JAML: variants seen among roughly 807,000 people sequenced by gnomAD.
JAML encodes junction adhesion molecule like, also known as junctional adhesion molecule-like.
JAML carries 25 observed loss-of-function variants against 39.3 expected under a neutral mutation model. The ratio of observed to expected loss-of-function variants is 0.64; its 90% CI spans 0.46 to 0.89. The LOEUF (loss-of-function observed/expected upper bound fraction) is 0.89, where lower values mean the gene tolerates loss of function less well. Ranked by LOEUF, JAML falls within the 40% of genes least tolerant of loss-of-function variation. The pLI is 0.00. For synonymous variants in JAML, 162 were observed against 179.2 expected (o/e 0.90, Z 0.77); for missense variants, 440 against 486.9 (o/e 0.90, Z 0.91).
chr11:118,224,918 A>G (rs769822311), intron 1 of JAML, 23 bp downstream of exon 1: 11 of 152,234 alleles, frequency 7.2e-5, no homozygotes, highest in Non-Finnish European at 1.3e-4. Context: ...AAATGGCTTA[A>G]GAAATTCAAA....
At chr11:118,208,350 A>G (rs1948966793) in intron 4 of JAML, among the ~76,000 whole-genome samples, 1 of 152,246 alleles carries the variant, frequency 6.6e-6, no homozygotes, top group Non-Finnish European at 1.5e-5. Flanking sequence ...AAAAAGTAGG[A>G]TAATTAGGAG....
chr11:118,212,808 C>A, intron 2 of JAML: 1 of 1,612,712 alleles, frequency 6.2e-7, no homozygotes, highest in Non-Finnish European at 8.5e-7. Flanking sequence ...CTATCCAGCC[C>A]CTTACACTTT....
chr11:118,195,483 A>G (rs1354478473), intron 9 of JAML, among the ~76,000 whole-genome samples: 1 of 152,046 alleles, frequency 6.6e-6, no homozygotes, highest in African/African-American at 2.4e-5. Context: ...CTGGGTGCCT[A>G]TAATTAGTCT....
intron 1 of JAML, among the ~76,000 whole-genome samples, chr11:118,223,060 A>G (rs138320310): frequency 2.1e-5 from 3 of 143,334 alleles, no homozygotes; most frequent in East Asian, 4.3e-4. Flanking sequence ...GTGCCACTGC[A>G]TGCCAGCCTA....
chr11:118,198,674 T>TAAAAAAAA (rs61119825), intron 7 of JAML, among the ~76,000 whole-genome samples: 3 of 127,592 alleles, frequency 2.4e-5, no homozygotes, highest in Non-Finnish European at 5.1e-5. Flanking sequence ...AAGTCAGAAC[T>TAAAAAAAA]AAAAAAAAAA....
chr11:118,203,005 T>C (rs990601075), intron 6 of JAML: 19 of 458,802 alleles, frequency 4.1e-5, no homozygotes, highest in Middle Eastern at 3.2e-4. Context: ...TCTCTGTTCC[T>C]GGCTGTCTCT....
intron 8 of JAML, chr11:118,197,324 T>C (rs768684680): frequency 1.3e-4 from 20 of 152,358 alleles, no homozygotes; most frequent in Non-Finnish European, 2.5e-4. Context: ...TGGGAAAAAA[T>C]CCTACTCTTG....
chr11:118,213,444 C>A, intron 2 of JAML: 3 of 477,508 alleles, frequency 6.3e-6, no homozygotes, highest in Non-Finnish European at 8.2e-6. Context: ...CAACAGTAGG[C>A]TCACACAGCA....
intron 4 of JAML, 123 bp downstream of exon 4, chr11:118,210,364 G>T: frequency 2.9e-6 from 2 of 698,182 alleles, no homozygotes; most frequent in Non-Finnish European, 4.7e-6. Context: ...ATTTTTTGAA[G>T]ATTCACTCTG....
rs201464089 is a variant in JAML, at chr11:118,212,499, C to A, written c.106G>T (p.Asp36Tyr). ...SPPELTVHVG[D>Y]SALMGCVFQS... is the part of the protein sequence containing the mutation. ...AAAACACATCCCATCAGAGCTGAAT[C>A]ACCCACATGGACTGTTAGCTCAGGC... Residue 36 changes from aspartate (D) to tyrosine (Y), a missense_variant, in exon 3 of 10, where the codon GAT (aspartate) becomes TAT (tyrosine). Coordinates refer to ENST00000356289, the MANE Select transcript of JAML (RefSeq NM_001098526.2). 1.6e-4 allele frequency: 257 copies of A among 1,614,194 alleles called. 1 individual carries two copies. The highest frequency in any genetic ancestry group is 1.6e-4 in the Non-Finnish European group (186 of 1,180,018).
At chr11:118,214,759 T>A in intron 2 of JAML, 65 bp downstream of exon 2, 1 of 1,526,492 alleles carries the variant, frequency 6.6e-7, no homozygotes, top group Non-Finnish European at 9.0e-7. Flanking sequence ...TAAAATTGGC[T>A]TTTAATAATG....
rs573033693 is a variant in JAML at position 118,215,201 on chromosome 11, T to A, written c.-20-315A>T. Reference sequence around the variant, plus strand: ...AGATTGGCCATAAGGGAAGATTAGATGAAAGTTGCTTTTCAAGAGAAAAAA... The same window carrying A: ...AGATTGGCCATAAGGGAAGATTAGAAGAAAGTTGCTTTTCAAGAGAAAAAA... On this transcript the variant is annotated intron_variant, in intron 1 of 9. Coordinates refer to ENST00000356289, the MANE Select transcript of JAML (RefSeq NM_001098526.2). Among the ~76,000 whole-genome samples the A allele has an allele frequency of 3.3e-5, 5 of 152,308 alleles. No individual in the cohort carries two copies. In the South Asian group the frequency reaches 1.0e-3, roughly 32 times the overall value.
At chr11:118,214,744 A>G in intron 2 of JAML, 80 bp downstream of exon 2, 1 of 1,433,374 alleles carries the variant, frequency 7.0e-7, no homozygotes, top group Non-Finnish European at 9.7e-7. Flanking sequence ...GGAATCGAAA[A>G]TATGTAAAAT....
At position 118,212,501 on chromosome 11, in the gene JAML, C is replaced by A. The variant is rs755024063; in HGVS notation, c.104G>T (p.Gly35Val). Residue 35 changes from glycine (G) to valine (V), a missense_variant, in exon 3 of 10, where the codon GGT becomes GTT. Gly to Val is a moderately radical substitution (Grantham distance 109). Coordinates refer to ENST00000356289, the MANE Select transcript of JAML (RefSeq NM_001098526.2). ...AACACATCCCATCAGAGCTGAATCACCCACATGGACTGTTAGCTCAGGCGG... is the reference window on the plus strand; with the variant it reads ...AACACATCCCATCAGAGCTGAATCAACCACATGGACTGTTAGCTCAGGCGG... ...VSPPELTVHV[G>V]DSALMGCVFQ... 9.3e-6 allele frequency: 15 copies of A among 1,614,180 alleles called. No homozygotes were observed. Among genetic ancestry groups the A allele is most frequent in the Non-Finnish European group, 1.3e-5 (15 of 1,180,016 alleles).
At chr11:118,199,322 C>A (rs1330556906) in intron 7 of JAML, among the ~76,000 whole-genome samples, 1 of 152,180 alleles carries the variant, frequency 6.6e-6, no homozygotes, top group Non-Finnish European at 1.5e-5. Flanking sequence ...TAGCTCAGTG[C>A]TCCGAGCATG....
chr11:118,198,704 A>G (rs1948714273), intron 7 of JAML, among the ~76,000 whole-genome samples: 1 of 151,218 alleles, frequency 6.6e-6, no homozygotes, highest in African/African-American at 2.4e-5. Flanking sequence ...TCAAGGTTTA[A>G]GCTAGAAAAG....
At chr11:118,219,470 A>G (rs538910463) in intron 1 of JAML, among the ~76,000 whole-genome samples, 166 of 152,206 alleles carry the variant, frequency 1.1e-3, no homozygotes, top group African/African-American at 3.8e-3. Flanking sequence ...TAATCAAACA[A>G]CCTGAGGGCA....
chr11:118,218,492 C>G (rs956678130), intron 1 of JAML, among the ~76,000 whole-genome samples: 4 of 152,192 alleles, frequency 2.6e-5, no homozygotes, highest in African/African-American at 9.7e-5. Context: ...AGACCCTGCT[C>G]TCTACCTCCA....
Position 118,212,460 on chromosome 11 carries a change from C to A in JAML, c.145G>T (p.Asp49Tyr), listed in dbSNP as rs1451187093. The change falls in exon 3 of 10, where the codon GAC becomes TAC. Residue 49 changes from aspartate (D) to tyrosine (Y), a missense_variant. Transcript: ENST00000356289. ...CAGTCTATCTTGAATATACATTTGT[C>A]TTCTGTGCTCTGGAAAACACATCCC... ...LMGCVFQSTE[D>Y]KCIFKIDWTL... 4 of 1,614,214 alleles carry A rather than the reference C, an allele frequency of 2.5e-6. No homozygotes were observed. The highest frequency in any genetic ancestry group is 2.5e-6 in the Non-Finnish European group (3 of 1,180,028).
Sources: gnomAD v4.1 joint callset for allele counts (sites outside exome capture counted in the v4.1 genomes callset) on GRCh38, gnomAD v4.1.1 for gene constraint, MANE v1.5 for transcripts, NCBI Gene and HGNC (gene_info 2026-07-23, HGNC 2026-07-21) for gene names.